CHLSN: variants seen among roughly 807,000 people sequenced by gnomAD.
CHLSN encodes protein cholesin.
At chr7:1,097,124 C>G in the CHLSN span, among the ~76,000 whole-genome samples, 2 of 152,222 alleles carry the variant, frequency 1.3e-5, no homozygotes, top group African/African-American at 4.8e-5. This position sits in a 1 kb window ranked among gnomAD's most constrained non-coding sequence, Gnocchi z 4.3. Context: ...AAGCAGCACA[C>G]AGACTACGCG....
the CHLSN span, among the ~76,000 whole-genome samples, chr7:1,123,101 G>C: frequency 4.6e-5 from 7 of 152,206 alleles, no homozygotes; most frequent in African/African-American, 1.7e-4. The surrounding 1 kb of genome is among the most constrained non-coding windows in gnomAD (Gnocchi z 4.4). Context: ...CTGGTGCCCA[G>C]GACCGAGGAA....
At chr7:1,065,419 C>G in the CHLSN span, among the ~76,000 whole-genome samples, 1 of 152,276 alleles carries the variant, frequency 6.6e-6, no homozygotes, top group South Asian at 2.1e-4. Context: ...AACCCAACTG[C>G]ACATCAACAG....
chr7:1,110,501 C>A, the CHLSN span, among the ~76,000 whole-genome samples: 16 of 152,344 alleles, frequency 1.1e-4, no homozygotes, highest in Admixed American at 5.9e-4. Flanking sequence ...AGCCTGAGCG[C>A]TCTTCCCGCG....
chr7:1,066,547 G>A, the CHLSN span, among the ~76,000 whole-genome samples: 328 of 152,334 alleles, frequency 2.2e-3, no homozygotes, highest in Non-Finnish European at 3.5e-3. Context: ...AGACCTCAAC[G>A]TGGAAAAAGC....
At chr7:1,135,798 ATTT>A in the CHLSN span, among the ~76,000 whole-genome samples, 13 of 93,830 alleles carry the variant, frequency 1.4e-4, no homozygotes, top group African/African-American at 3.2e-4. Context: ...TATATACACA[ATTT>A]ATTTATTTAT....
At chr7:1,100,292 G>A in the CHLSN span, among the ~76,000 whole-genome samples, 1 of 152,222 alleles carries the variant, frequency 6.6e-6, no homozygotes, top group Non-Finnish European at 1.5e-5. Context: ...CAGCCCACAG[G>A]AGCCGACAGA....
At chr7:981,601 C>G in the CHLSN span, among the ~76,000 whole-genome samples, 28 of 152,168 alleles carry the variant, frequency 1.8e-4, no homozygotes, top group Admixed American at 6.5e-5. Context: ...GTAATCCCAG[C>G]TACTCGGGAG....
chr7:999,677 C>CT, the CHLSN span, among the ~76,000 whole-genome samples: 1 of 152,166 alleles, frequency 6.6e-6, no homozygotes, highest in Admixed American at 6.5e-5. Flanking sequence ...CTGCCCCGCT[C>CT]TGAGAGTCTG....
chr7:1,108,542 G>A, the CHLSN span, among the ~76,000 whole-genome samples: 1 of 152,218 alleles, frequency 6.6e-6, no homozygotes, highest in Non-Finnish European at 1.5e-5. Flanking sequence ...GGCGGGGGCA[G>A]TGCAAATCTG....
the CHLSN span, among the ~76,000 whole-genome samples, chr7:995,369 CAG>C: frequency 6.6e-6 from 1 of 152,236 alleles, no homozygotes; most frequent in African/African-American, 2.4e-5. Context: ...CAGCCGGTGT[CAG>C]GGGAGCATCT....
At chr7:1,005,687 G>A in the CHLSN span, among the ~76,000 whole-genome samples, 1 of 152,238 alleles carries the variant, frequency 6.6e-6, no homozygotes, top group Admixed American at 6.5e-5. Context: ...CGGGGTGCAA[G>A]GAAGCTAAGA....
At chr7:999,564 C>T in the CHLSN span, among the ~76,000 whole-genome samples, 1 of 152,138 alleles carries the variant, frequency 6.6e-6, no homozygotes, top group South Asian at 2.1e-4. Flanking sequence ...GGGGCCCTGT[C>T]TCAAAAAACG....
the CHLSN span, chr7:989,761 C>A: frequency 1.0e-5 from 2 of 190,634 alleles, no homozygotes; most frequent in Non-Finnish European, 1.1e-5. Flanking sequence ...GCCTGGGTGA[C>A]AGAGCGAGAT....
the CHLSN span, among the ~76,000 whole-genome samples, chr7:1,041,966 G>C: frequency 6.6e-6 from 1 of 152,238 alleles, no homozygotes. Context: ...GGCAGGGGAA[G>C]GGGAAGGGCG....
the CHLSN span, among the ~76,000 whole-genome samples, chr7:1,008,946 C>A: frequency 8.5e-6 from 1 of 118,058 alleles, no homozygotes; most frequent in Admixed American, 8.3e-5. Flanking sequence ...CACACGCACA[C>A]CCCCTCATGC....
the CHLSN span, among the ~76,000 whole-genome samples, chr7:1,002,188 TG>T: frequency 9.2e-6 from 1 of 108,412 alleles, no homozygotes; most frequent in Non-Finnish European, 1.8e-5. Flanking sequence ...GGGAGTCCTG[TG>T]GGTGGGGAGT....
chr7:1,023,624 A>AACAAACACAC, the CHLSN span, among the ~76,000 whole-genome samples: 1 of 122,302 alleles, frequency 8.2e-6, no homozygotes, highest in South Asian at 2.9e-4. This position sits in a 1 kb window ranked among gnomAD's most constrained non-coding sequence, Gnocchi z 5.0. Flanking sequence ...CCTCCCAGGA[A>AACAAACACAC]ACACACACAC....
At chr7:1,126,827 G>T in the CHLSN span, among the ~76,000 whole-genome samples, 1 of 152,144 alleles carries the variant, frequency 6.6e-6, no homozygotes, top group African/African-American at 2.4e-5. Context: ...TTTTCAAACG[G>T]ACAATAATCG....
chr7:1,123,458 T>G, the CHLSN span, among the ~76,000 whole-genome samples: 4 of 152,026 alleles, frequency 2.6e-5, no homozygotes, highest in Non-Finnish European at 4.4e-5. The surrounding 1 kb of genome is among the most constrained non-coding windows in gnomAD (Gnocchi z 4.4). Context: ...CGGAGGTTCA[T>G]CCAGGATCCA....
Sources: allele counts gnomAD v4.1 joint callset (sites outside exome capture counted in the v4.1 genomes callset), GRCh38; gene constraint gnomAD v4.1.1; non-coding constraint Gnocchi (gnomAD v3.1); transcripts MANE v1.5; gene names NCBI Gene and HGNC (gene_info 2026-07-23, HGNC 2026-07-21).